BBS7: variants seen among roughly 807,000 people sequenced by gnomAD.
The protein encoded by BBS7 is BBSome complex member BBS7.
BBS7 carries 50 observed loss-of-function variants against 90.3 expected under a neutral mutation model. That is an observed-to-expected ratio of 0.55 (90% confidence interval 0.44 to 0.70). The LOEUF is 0.70. BBS7 is among the 30% of genes least tolerant of loss of function. The probability of loss-of-function intolerance (pLI) is 0.00; values close to 1 mark genes in which losing one functional copy is unlikely to be tolerated. For missense variants in BBS7, 729 were observed against 838.9 expected, an observed-to-expected ratio of 0.87 and a Z score of 1.62; for synonymous variants, 235 against 287.4, an observed-to-expected ratio of 0.82 and a Z score of 1.85.
rs765240912 is a variant in BBS7, at chr4:121,828,182, A to G, written c.1978T>C (p.Tyr660His). Residue 660 changes from tyrosine to histidine, a missense_variant, in exon 18 of 19, where the codon TAC (tyrosine) becomes CAC (histidine). Tyr to His is a moderately conservative substitution (Grantham distance 83). Transcript: ENST00000264499. Reference protein sequence around the residue: ...LEEADHLQEEYKKQPAHLERL... With the variant: ...LEEADHLQEEHKKQPAHLERL... ...TCAAGATGTGCAGGTTGCTTTTTGT[A>G]TTCTTCCTGTAGGTGATCTGCCTCT... The G allele has an allele frequency of 1.2e-6, 2 of 1,613,866 alleles. No individual in the cohort carries two copies. The highest frequency in any genetic ancestry group is 2.2e-5 in the East Asian group (1 of 44,818).
Position 121,847,452 on chromosome 4 carries a change from T to C in BBS7, c.989A>G (p.Glu330Gly). 2.5e-6 allele frequency: 4 copies of C among 1,613,854 alleles called. No individual in the cohort carries two copies. The highest frequency in any genetic ancestry group is 3.4e-6 in the Non-Finnish European group (4 of 1,179,864). ...CATCTCCTGATTAATTTTTAGTTCT[T>C]CTCCTGGTCCACTTTCCTTATGAAT... ...EPIHKESGPG[E>G]ELKINQEMQN... Residue 330 changes from glutamate (E) to glycine (G), a missense_variant, in exon 10 of 19, where the codon GAA becomes GGA. Coordinates refer to ENST00000264499, the MANE Select transcript of BBS7 (RefSeq NM_176824.3).
At position 121,846,455 on chromosome 4, in the gene BBS7, A is replaced by G. The variant is rs1413545691; in HGVS notation, c.1038-759T>C. The stretch of plus-strand genomic sequence containing the variant: ...AGAAATATTTACTGCTAAATATTAC[A>G]TATTTACTCCTATGTACCTAGCAGT... On this transcript the variant is annotated intron_variant, in intron 10 of 18. Coordinates refer to ENST00000264499, the MANE Select transcript of BBS7 (RefSeq NM_176824.3). Among the ~76,000 whole-genome samples the G allele has an allele frequency of 8.5e-5, 13 of 152,226 alleles. 1 individual carries two copies. The highest frequency in any genetic ancestry group is 1.5e-5 in the Non-Finnish European group (1 of 68,040).
chr4:121,861,224 T>A, intron 4 of BBS7: 1 of 281,272 alleles, frequency 3.6e-6, no homozygotes, highest in Non-Finnish European at 6.7e-6. Context: ...TAAAGCTAAA[T>A]ATCTAGATTT....
chr4:121,838,349 A>G (rs1396147993), intron 13 of BBS7, among the ~76,000 whole-genome samples: 1 of 150,470 alleles, frequency 6.6e-6, no homozygotes, highest in Non-Finnish European at 1.5e-5. Flanking sequence ...AATATTGTGT[A>G]ACAGCATCTC....
chr4:121,838,189 T>A (rs144179345), intron 13 of BBS7, among the ~76,000 whole-genome samples: 284 of 152,310 alleles, frequency 1.9e-3, no homozygotes, highest in Non-Finnish European at 3.2e-3. Context: ...ATGTAAAATG[T>A]TTAAATGTGT....
chr4:121,847,382 C>G, intron 10 of BBS7, 22 bp downstream of exon 10: 2 of 1,503,554 alleles, frequency 1.3e-6, no homozygotes, highest in South Asian at 2.3e-5. Context: ...TTTAAAAAAG[C>G]AAATAAAAAA....
intron 7 of BBS7, among the ~76,000 whole-genome samples, chr4:121,853,707 C>T (rs1010532412): frequency 2.0e-5 from 3 of 151,872 alleles, no homozygotes; most frequent in African/African-American, 4.8e-5. Context: ...TTGCCCCCCG[C>T]CCCCTCCAAT....
At chr4:121,845,116 C>A (rs1725934254) in intron 11 of BBS7, among the ~76,000 whole-genome samples, 1 of 152,170 alleles carries the variant, frequency 6.6e-6, no homozygotes, top group Non-Finnish European at 1.5e-5. Flanking sequence ...CGCTTGCAAT[C>A]CCAGCACTTT....
At chr4:121,829,382 A>G (rs1725065125) in intron 15 of BBS7, among the ~76,000 whole-genome samples, 1 of 151,962 alleles carries the variant, frequency 6.6e-6, no homozygotes, top group Non-Finnish European at 1.5e-5. Flanking sequence ...TTACAGGCAC[A>G]TGCCACTACA....
At chr4:121,847,161 C>T (rs924071778) in intron 10 of BBS7, among the ~76,000 whole-genome samples, 2 of 152,110 alleles carry the variant, frequency 1.3e-5, no homozygotes, top group Non-Finnish European at 2.9e-5. Context: ...AAAACACAAC[C>T]CTTGACCTAA....
At chr4:121,857,803 C>CTTTT (rs1578563206) in intron 5 of BBS7, among the ~76,000 whole-genome samples, 1 of 82,534 alleles carries the variant, frequency 1.2e-5, no homozygotes, top group Non-Finnish European at 2.2e-5. Flanking sequence ...AACCTTTTTT[C>CTTTT]TTTTCTTTTT....
At chr4:121,843,454 G>A (rs887062932) in intron 12 of BBS7, among the ~76,000 whole-genome samples, 1 of 152,152 alleles carries the variant, frequency 6.6e-6, no homozygotes, top group African/African-American at 2.4e-5. Context: ...AGCCATGGAG[G>A]TAGAACTGAC....
At chr4:121,833,444 A>AGT in intron 14 of BBS7, 49 bp from the exon 15 acceptor site, 1 of 1,540,078 alleles carries the variant, frequency 6.5e-7, no homozygotes, top group South Asian at 1.1e-5. Context: ...AATACATGAA[A>AGT]GTATTATATG....
chr4:121,837,246 C>T lies in BBS7; in HGVS notation c.1372-1963G>A, dbSNP rs191819844. The stretch of plus-strand genomic sequence containing the variant: ...CCTCCCAAAGTGCTAAGATTGCAGG[C>T]GTGAGCCACTGTGCCCAATCTTCTC... On this transcript the variant is annotated intron_variant, in intron 13 of 18. Transcript: ENST00000264499. Among the ~76,000 whole-genome samples, 114 of 152,124 alleles carry T rather than the reference C, an allele frequency of 7.5e-4. 1 individual carries two copies. The highest frequency in any genetic ancestry group is 3.6e-3 in the Admixed American group (55 of 15,272).
intron 18 of BBS7, among the ~76,000 whole-genome samples, chr4:121,827,375 G>T (rs1379594331): frequency 1.3e-5 from 2 of 152,136 alleles, no homozygotes; most frequent in African/African-American, 4.8e-5. Context: ...ATGCATTTTG[G>T]GGTGAGAAGA....
chr4:121,870,321 A>C lies in BBS7; in HGVS notation c.-8T>G. 1 of 1,614,134 alleles carries C rather than the reference A, an allele frequency of 6.2e-7. No homozygotes were observed. The highest frequency in any genetic ancestry group is 1.1e-5 in the South Asian group (1 of 91,090). ...GTTTAAAATCAGATCCATGATGACT[A>C]CGCGGAGGGGCTAAGCAGCGCCGGA... On this transcript the variant is annotated 5_prime_UTR_variant, in exon 1 of 19. Transcript: ENST00000264499.
Position 121,824,380 on chromosome 4 carries a change from T to A in BBS7, c.*1480A>T, listed in dbSNP as rs1223828390. On this transcript the variant is annotated 3_prime_UTR_variant, in exon 19 of 19. Transcript: ENST00000264499. This position sits in a 1 kb window ranked among gnomAD's most constrained non-coding sequence, Gnocchi z 4.1. ...GGTTGTTAGGATTAAATAATGTGCA[T>A]AAATTATTTAACACGGAGCTCACAT... 1 of 152,204 alleles carries A rather than the reference T, an allele frequency of 6.6e-6. No individual in the cohort carries two copies. The highest frequency in any genetic ancestry group is 1.9e-4 in the East Asian group (1 of 5,202). The allele number at this position is 152,204 out of a possible 1,614,324, so 9.4% of individuals were successfully genotyped here. A position where few individuals can be genotyped will look rare whatever the true frequency, so the allele number is the denominator to read the frequency against.
At chr4:121,829,899 G>A (rs1020499768) in intron 15 of BBS7, among the ~76,000 whole-genome samples, 1 of 152,218 alleles carries the variant, frequency 6.6e-6, no homozygotes, top group African/African-American at 2.4e-5. Flanking sequence ...CACTGATCCA[G>A]TTGTGCGTGA....
intron 2 of BBS7, among the ~76,000 whole-genome samples, chr4:121,867,769 T>C (rs978033293): frequency 6.6e-6 from 1 of 152,216 alleles, no homozygotes; most frequent in African/African-American, 2.4e-5. Flanking sequence ...TTGCCTACAC[T>C]GTTTACTAAT....
Sources: allele counts gnomAD v4.1 joint callset (sites outside exome capture counted in the v4.1 genomes callset), GRCh38; gene constraint gnomAD v4.1.1; non-coding constraint Gnocchi (gnomAD v3.1); transcripts MANE v1.5; gene names NCBI Gene and HGNC (gene_info 2026-07-23, HGNC 2026-07-21).